CSTPP1: variants seen among roughly 807,000 people sequenced by gnomAD.
The protein encoded by CSTPP1 is centriolar satellite-associated tubulin polyglutamylase complex regulator 1.
At chr11:47,132,724 T>C in the CSTPP1 span, among the ~76,000 whole-genome samples, 1 of 152,226 alleles carries the variant, frequency 6.6e-6, no homozygotes, top group African/African-American at 2.4e-5. Context: ...GGTACCTGTA[T>C]GTTTAACTTA....
At chr11:47,109,069 C>G in the CSTPP1 span, 2 of 152,140 alleles carry the variant, frequency 1.3e-5, no homozygotes, top group African/African-American at 2.4e-5. Context: ...CATCCTAAAC[C>G]TGGAATCTGT....
chr11:47,049,781 T>C, the CSTPP1 span, among the ~76,000 whole-genome samples: 1 of 151,860 alleles, frequency 6.6e-6, no homozygotes, highest in Non-Finnish European at 1.5e-5. Flanking sequence ...TGCACCACCA[T>C]GCCTGGCTGA....
chr11:46,938,205 A>G, the CSTPP1 span, among the ~76,000 whole-genome samples: 6 of 152,044 alleles, frequency 3.9e-5, no homozygotes, highest in Non-Finnish European at 8.8e-5. Flanking sequence ...AATTGAGCAG[A>G]TAGTACGGCG....
the CSTPP1 span, among the ~76,000 whole-genome samples, chr11:47,000,007 A>G: frequency 2.6e-5 from 4 of 152,216 alleles, no homozygotes; most frequent in African/African-American, 7.2e-5. Context: ...TCTGTAGATC[A>G]TATTCCTCTG....
chr11:47,085,988 G>A, the CSTPP1 span, among the ~76,000 whole-genome samples: 2 of 151,856 alleles, frequency 1.3e-5, no homozygotes, highest in African/African-American at 2.4e-5. Context: ...GGTCGGGGAT[G>A]GATAGAAATT....
chr11:47,103,845 T>A, the CSTPP1 span: 1 of 152,052 alleles, frequency 6.6e-6, no homozygotes, highest in Non-Finnish European at 1.5e-5. Context: ...CTGCTAATTT[T>A]TTTTTTAATT....
At chr11:47,004,153 C>T in the CSTPP1 span, among the ~76,000 whole-genome samples, 2 of 148,200 alleles carry the variant, frequency 1.3e-5, no homozygotes, top group South Asian at 2.2e-4. Context: ...GTTGTTGTTA[C>T]TGGTTTGTTT....
chr11:47,113,441 G>T, the CSTPP1 span, among the ~76,000 whole-genome samples: 22 of 152,186 alleles, frequency 1.4e-4, no homozygotes, highest in Non-Finnish European at 2.4e-4. Flanking sequence ...TTCCACAATG[G>T]TTGAATTAGT....
chr11:47,081,306 G>A, the CSTPP1 span, among the ~76,000 whole-genome samples: 3 of 151,714 alleles, frequency 2.0e-5, no homozygotes, highest in East Asian at 1.9e-4. Flanking sequence ...GAAATATCCC[G>A]AGAAAGAAAA....
chr11:47,006,271 G>C, the CSTPP1 span, among the ~76,000 whole-genome samples: 1 of 152,030 alleles, frequency 6.6e-6, no homozygotes. Context: ...TAAATTCTAG[G>C]TTGGCAGCTG....
the CSTPP1 span, among the ~76,000 whole-genome samples, chr11:47,026,547 A>G: frequency 1.3e-5 from 2 of 152,182 alleles, no homozygotes; most frequent in African/African-American, 4.8e-5. Context: ...TATCTTTTAA[A>G]TTTTTAATCA....
At chr11:47,023,682 A>G in the CSTPP1 span, among the ~76,000 whole-genome samples, 1 of 152,170 alleles carries the variant, frequency 6.6e-6, no homozygotes, top group African/African-American at 2.4e-5. Flanking sequence ...TACTCTAGGT[A>G]CCTCAAGTAA....
At chr11:47,029,603 G>A in the CSTPP1 span, among the ~76,000 whole-genome samples, 4 of 149,988 alleles carry the variant, frequency 2.7e-5, no homozygotes, top group African/African-American at 4.9e-5. Context: ...GCGACAGAGT[G>A]AGACTCTATC....
chr11:47,110,773 A>G, the CSTPP1 span, among the ~76,000 whole-genome samples: 1 of 152,240 alleles, frequency 6.6e-6, no homozygotes, highest in South Asian at 2.1e-4. Context: ...AGTTCCCAAA[A>G]AGACTGCATT....
At chr11:46,992,430 A>G in the CSTPP1 span, among the ~76,000 whole-genome samples, 1 of 120,836 alleles carries the variant, frequency 8.3e-6, no homozygotes, top group Admixed American at 1.2e-4. Context: ...GATGTTTCCC[A>G]TCCTGTGTCC....
At chr11:47,117,020 A>T in the CSTPP1 span, among the ~76,000 whole-genome samples, 1 of 152,152 alleles carries the variant, frequency 6.6e-6, no homozygotes, top group Admixed American at 6.5e-5. Flanking sequence ...TTTTCAGCCT[A>T]TGTGTGTCTT....
chr11:46,974,041 A>ATAG, the CSTPP1 span, among the ~76,000 whole-genome samples: 1 of 152,138 alleles, frequency 6.6e-6, no homozygotes, highest in Non-Finnish European at 1.5e-5. Flanking sequence ...CCTGGGCAAC[A>ATAG]TAGCAAGACC....
At chr11:47,155,117 C>A in the CSTPP1 span, 1 of 1,351,144 alleles carries the variant, frequency 7.4e-7, no homozygotes, top group Non-Finnish European at 1.1e-6. Context: ...TCCCTCTCTC[C>A]CTCCCCTCCT....
At chr11:47,126,479 A>T in the CSTPP1 span, among the ~76,000 whole-genome samples, 1 of 152,274 alleles carries the variant, frequency 6.6e-6, no homozygotes. Flanking sequence ...AAATGAAAAA[A>T]TTAGCCAGGC....
Sources: allele counts gnomAD v4.1 joint callset (sites outside exome capture counted in the v4.1 genomes callset), GRCh38; gene constraint gnomAD v4.1.1; transcripts MANE v1.5; gene names NCBI Gene and HGNC (gene_info 2026-07-23, HGNC 2026-07-21).